Variants in PPARGC1A observed in about 807,000 individuals in gnomAD.
PPARGC1A encodes PPARG coactivator 1 alpha.
PPARGC1A carries 25 observed loss-of-function variants against 88.7 expected under a neutral mutation model. That is an observed-to-expected ratio of 0.28 (90% CI 0.21 to 0.39). PPARGC1A has a LOEUF of 0.39. PPARGC1A is among the 10% of genes least tolerant of loss of function. The pLI, the probability that PPARGC1A is intolerant of heterozygous loss-of-function variation, is 1.00. For missense variants in PPARGC1A, 880 were observed against 968.7 expected, an observed-to-expected ratio of 0.91 and a Z score of 1.22; for synonymous variants, 363 against 355.6, an observed-to-expected ratio of 1.02 and a Z score of -0.24.
At chr4:24,084,089 C>T in the PPARGC1A span, among the ~76,000 whole-genome samples, 2 of 152,190 alleles carry the variant, frequency 1.3e-5, no homozygotes, top group African/African-American at 2.4e-5. Flanking sequence ...GGTTGTTAAC[C>T]ACGCTCTTAT....
the PPARGC1A span, among the ~76,000 whole-genome samples, chr4:23,918,431 A>G: frequency 5.3e-5 from 8 of 152,206 alleles, no homozygotes; most frequent in South Asian, 2.1e-4. Context: ...CATGTTTGCC[A>G]AGCTGGTCTT....
At chr4:24,235,182 T>C in the PPARGC1A span, among the ~76,000 whole-genome samples, 1 of 152,176 alleles carries the variant, frequency 6.6e-6, no homozygotes, top group Non-Finnish European at 1.5e-5. Context: ...TCTTAAATCC[T>C]AGGGGGGTGG....
chr4:24,202,574 C>G, the PPARGC1A span, among the ~76,000 whole-genome samples: 2 of 152,102 alleles, frequency 1.3e-5, no homozygotes, highest in Non-Finnish European at 2.9e-5. Context: ...ACTAAATGAC[C>G]CCCAAAACTT....
upstream of PPARGC1A, among the ~76,000 whole-genome samples, chr4:23,901,852 A>G (rs1431204165): frequency 6.6e-6 from 1 of 152,186 alleles, no homozygotes; most frequent in African/African-American, 2.4e-5. Context: ...GACATAAAGG[A>G]TACATTATAT....
chr4:23,977,454 CAGACAACAAAA>C, the PPARGC1A span, among the ~76,000 whole-genome samples: 1 of 152,186 alleles, frequency 6.6e-6, no homozygotes. Flanking sequence ...CTGTGATAAA[CAGACAACAAAA>C]TACTTATCAA....
the PPARGC1A span, among the ~76,000 whole-genome samples, chr4:24,183,545 G>A: frequency 6.6e-6 from 1 of 152,196 alleles, no homozygotes; most frequent in East Asian, 1.9e-4. Flanking sequence ...ATGGTCATTA[G>A]ACACCCGGTG....
chr4:23,875,677 G>A (rs1714551780), intron 2 of PPARGC1A: 1 of 152,022 alleles, frequency 6.6e-6, no homozygotes, highest in African/African-American at 2.4e-5. Context: ...ATATTCTTCA[G>A]CTAAATCCCA....
At chr4:24,127,335 T>C in the PPARGC1A span, among the ~76,000 whole-genome samples, 1 of 149,556 alleles carries the variant, frequency 6.7e-6, no homozygotes, top group African/African-American at 2.5e-5. Flanking sequence ...ATGGCGGGGG[T>C]GGGGGAACCA....
the PPARGC1A span, among the ~76,000 whole-genome samples, chr4:23,940,201 A>G: frequency 6.6e-6 from 1 of 152,222 alleles, no homozygotes; most frequent in Non-Finnish European, 1.5e-5. Context: ...TTTGTCATGT[A>G]CTGTTTCATC....
chr4:24,421,784 T>C, the PPARGC1A span, among the ~76,000 whole-genome samples: 13 of 152,346 alleles, frequency 8.5e-5, no homozygotes, highest in Non-Finnish European at 1.3e-4. Flanking sequence ...TTTTAAGCTG[T>C]CTTGTGGTGT....
the PPARGC1A span, among the ~76,000 whole-genome samples, chr4:24,230,190 A>G: frequency 1.3e-4 from 20 of 152,344 alleles, no homozygotes; most frequent in African/African-American, 4.3e-4. Flanking sequence ...ATCCTTAGTC[A>G]TTCTTGCATA....
the PPARGC1A span, among the ~76,000 whole-genome samples, chr4:24,263,895 G>A: frequency 5.3e-5 from 8 of 151,954 alleles, no homozygotes; most frequent in Non-Finnish European, 7.4e-5. Flanking sequence ...GATTACATGT[G>A]TGCCCTACCA....
At chr4:23,888,956 T>C (rs1717365523) in intron 1 of PPARGC1A, 1 of 985,260 alleles carries the variant, frequency 1.0e-6, no homozygotes, top group Non-Finnish European at 1.2e-6. Context: ...CCACAGAAAG[T>C]TTTGCTTGTT....
chr4:24,297,609 T>G, the PPARGC1A span, among the ~76,000 whole-genome samples: 1 of 152,298 alleles, frequency 6.6e-6, no homozygotes, highest in African/African-American at 2.4e-5. Flanking sequence ...GTGACCTCAC[T>G]TGTTTATTTC....
the PPARGC1A span, among the ~76,000 whole-genome samples, chr4:24,137,873 T>TC: frequency 6.6e-6 from 1 of 151,980 alleles, no homozygotes; most frequent in African/African-American, 2.4e-5. Context: ...CTAACCCGTT[T>TC]CCCCCCTCAA....
the PPARGC1A span, among the ~76,000 whole-genome samples, chr4:23,961,440 A>G: frequency 2.0e-5 from 3 of 151,974 alleles, no homozygotes; most frequent in African/African-American, 4.8e-5. Flanking sequence ...TTCATAACCT[A>G]TTGGGGAGAC....
At chr4:24,303,001 C>T in the PPARGC1A span, among the ~76,000 whole-genome samples, 1 of 152,166 alleles carries the variant, frequency 6.6e-6, no homozygotes, top group African/African-American at 2.4e-5. Flanking sequence ...AAAAGGGTGA[C>T]ATCAAGTAAA....
chr4:24,048,085 T>G, the PPARGC1A span, among the ~76,000 whole-genome samples: 1 of 152,222 alleles, frequency 6.6e-6, no homozygotes, highest in East Asian at 1.9e-4. Context: ...CTTAGAAGTA[T>G]TAGCAATTTC....
rs1717515991 is a variant in PPARGC1A at position 23,795,935 on chromosome 4, AAC to A, written c.2294-12_2294-11del. 1.3e-6 allele frequency: 2 copies of A among 1,597,574 alleles called. No homozygotes were observed. The highest frequency in any genetic ancestry group is 3.4e-5 in the Admixed American group (2 of 59,454). On this transcript the variant is annotated splice_polypyrimidine_tract_variant and intron_variant, in intron 12 of 12. Transcript: ENST00000264867. ...TCATCTGAGTTTGAATCTGAAAAAA[AAC>A]ACAAGCCAGTTTAGATACACACTTT...
Sources: gnomAD v4.1 joint callset for allele counts (sites outside exome capture counted in the v4.1 genomes callset) on GRCh38, gnomAD v4.1.1 for gene constraint, MANE v1.5 for transcripts, NCBI Gene and HGNC (gene_info 2026-07-23, HGNC 2026-07-21) for gene names.